The following DPYD variants were observed in gnomAD, a reference collection of about 807,000 sequenced individuals.
DPYD encodes the protein dihydropyrimidine dehydrogenase, also known as dihydropyrimidine dehydrogenase [NADP(+)].
Under a neutral mutation model 116.2 loss-of-function variants are expected in DPYD, and 109 were observed. The observed-to-expected ratio is 0.94, with a 90% CI of 0.80 to 1.10. DPYD has a LOEUF of 1.10. Ranked by LOEUF, DPYD falls within the 50% of genes least tolerant of loss-of-function variation. The pLI, the probability that DPYD is intolerant of heterozygous loss-of-function variation, is 0.00. For missense variants in DPYD, 1,302 were observed against 1,254.5 expected, an observed-to-expected ratio of 1.04 and a Z score of -0.57; for synonymous variants, 440 against 432.0, an observed-to-expected ratio of 1.02 and a Z score of -0.23.
intron 13 of DPYD, among the ~76,000 whole-genome samples, chr1:97,472,857 T>A (rs186866042): frequency 2.0e-5 from 3 of 152,220 alleles, no homozygotes; most frequent in Non-Finnish European, 4.4e-5. Context: ...CTGGCAAAAC[T>A]TGTATATATT....
intron 2 of DPYD, among the ~76,000 whole-genome samples, chr1:97,858,859 C>A (rs962818703): frequency 2.0e-5 from 3 of 151,988 alleles, no homozygotes; most frequent in Admixed American, 6.6e-5. Flanking sequence ...TCTTTAATCC[C>A]AAATGCAGAA....
intron 3 of DPYD, among the ~76,000 whole-genome samples, chr1:97,783,194 A>T (rs1324361445): frequency 2.0e-5 from 3 of 152,196 alleles, no homozygotes; most frequent in Admixed American, 1.3e-4. Flanking sequence ...CCAAAATGAA[A>T]AAGAACTCCA....
chr1:97,400,124 T>C (rs1384841287), intron 14 of DPYD, among the ~76,000 whole-genome samples: 2 of 152,200 alleles, frequency 1.3e-5, no homozygotes, highest in African/African-American at 2.4e-5. Flanking sequence ...ATATATCCCA[T>C]CAATACCTAA....
intron 8 of DPYD, among the ~76,000 whole-genome samples, chr1:97,601,588 G>C (rs191422077): frequency 1.3e-5 from 2 of 151,866 alleles, no homozygotes; most frequent in African/African-American, 2.4e-5. Context: ...TAAGCATGTC[G>C]CAGTTCCACA....
At chr1:97,401,316 G>T (rs1369532005) in intron 14 of DPYD, among the ~76,000 whole-genome samples, 15 of 150,856 alleles carry the variant, frequency 9.9e-5, no homozygotes, top group South Asian at 4.2e-4. Flanking sequence ...GTTTTTTTTT[G>T]TTTGTTTGTT....
At chr1:97,809,530 C>T (rs919550277) in intron 3 of DPYD, among the ~76,000 whole-genome samples, 3 of 152,018 alleles carry the variant, frequency 2.0e-5, no homozygotes, top group Admixed American at 6.6e-5. Context: ...CAATAGTTTC[C>T]GATTGACTGA....
At chr1:97,580,058 T>A (rs532478512) in intron 10 of DPYD, among the ~76,000 whole-genome samples, 22 of 152,302 alleles carry the variant, frequency 1.4e-4, no homozygotes, top group African/African-American at 4.8e-4. Flanking sequence ...CTCTAGAAAT[T>A]ATGAAACAAC....
chr1:97,882,119 A>C (rs1039905576), intron 2 of DPYD, among the ~76,000 whole-genome samples: 5 of 151,970 alleles, frequency 3.3e-5, no homozygotes, highest in East Asian at 3.9e-4. Flanking sequence ...TAAGTGGCCT[A>C]TTCCTTGAAC....
chr1:97,503,354 C>T (rs1169368727), intron 13 of DPYD, among the ~76,000 whole-genome samples: 1 of 151,946 alleles, frequency 6.6e-6, no homozygotes, highest in South Asian at 2.1e-4. Context: ...GGCAATCTCA[C>T]GTAACTCCAA....
intron 16 of DPYD, among the ~76,000 whole-genome samples, chr1:97,354,265 G>A (rs1326326152): frequency 6.6e-6 from 1 of 152,188 alleles, no homozygotes; most frequent in Non-Finnish European, 1.5e-5. Context: ...AAAAGACCAG[G>A]CTAGACAGTG....
At chr1:97,881,539 G>A (rs902951936) in intron 2 of DPYD, among the ~76,000 whole-genome samples, 1 of 151,922 alleles carries the variant, frequency 6.6e-6, no homozygotes, top group Admixed American at 6.6e-5. Flanking sequence ...ATATATATTT[G>A]ACAGAGAAAG....
intron 13 of DPYD, among the ~76,000 whole-genome samples, chr1:97,488,974 T>G (rs1361930843): frequency 6.6e-6 from 1 of 152,232 alleles, no homozygotes; most frequent in Non-Finnish European, 1.5e-5. Flanking sequence ...ATGCTGCCGC[T>G]TCAGTAAAAG....
intron 8 of DPYD, among the ~76,000 whole-genome samples, chr1:97,623,052 A>G (rs1372144619): frequency 6.6e-6 from 1 of 152,086 alleles, no homozygotes; most frequent in East Asian, 1.9e-4. Context: ...GAAAGTGGGT[A>G]TGAGATAGGA....
rs369486734 is a variant in DPYD, at chr1:97,292,003, G to A, written c.2299+13256C>T. On this transcript the variant is annotated intron_variant, in intron 18 of 22. Transcript: ENST00000370192. ...TTTTTTTTACACAAAATTATAATGC[G>A]TTATACCCCACATTAGGTTTTATTT... 2.2e-4 allele frequency among the ~76,000 whole-genome samples: 33 copies of A among 151,964 alleles called. No homozygotes were observed. The South Asian group carries it at 6.4e-3, about 30-fold the overall frequency.
At chr1:97,108,050 G>A (rs1468123764) in intron 20 of DPYD, among the ~76,000 whole-genome samples, 3 of 152,066 alleles carry the variant, frequency 2.0e-5, no homozygotes, top group Admixed American at 6.6e-5. Flanking sequence ...CAGGTGAAAG[G>A]CCAGGGTGTT....
At chr1:97,211,816 A>T (rs1486749052) in intron 19 of DPYD, among the ~76,000 whole-genome samples, 1 of 152,106 alleles carries the variant, frequency 6.6e-6, no homozygotes, top group Non-Finnish European at 1.5e-5. Context: ...AGGTTCACAA[A>T]CATTAATTTT....
chr1:97,850,232 T>C (rs1325411842), intron 2 of DPYD, among the ~76,000 whole-genome samples: 1 of 152,166 alleles, frequency 6.6e-6, no homozygotes, highest in East Asian at 1.9e-4. Context: ...CGCAGGCAAT[T>C]GAAATAGGTC....
At chr1:97,779,318 C>CAT (rs1666599103) in intron 3 of DPYD, among the ~76,000 whole-genome samples, 1 of 146,864 alleles carries the variant, frequency 6.8e-6, no homozygotes, top group Admixed American at 6.7e-5. Context: ...CACACACATA[C>CAT]ACACACACAC....
chr1:97,549,395 C>T (rs913516900), intron 12 of DPYD, among the ~76,000 whole-genome samples, 165 bp downstream of exon 12: 6 of 152,094 alleles, frequency 3.9e-5, no homozygotes, highest in Non-Finnish European at 8.8e-5. Flanking sequence ...AACAGTTCTA[C>T]TACCTAGTCT....
Sources: allele counts gnomAD v4.1 joint callset (sites outside exome capture counted in the v4.1 genomes callset), GRCh38; gene constraint gnomAD v4.1.1; transcripts MANE v1.5; gene names NCBI Gene and HGNC (gene_info 2026-07-23, HGNC 2026-07-21).